RGS11: variants seen among roughly 807,000 people sequenced by gnomAD.
The protein encoded by RGS11 is regulator of G protein signaling 11.
Under a neutral mutation model 71.1 loss-of-function variants are expected in RGS11, and 86 were observed. The observed-to-expected ratio is 1.21, with a 90% CI of 1.02 to 1.45. The LOEUF (loss-of-function observed/expected upper bound fraction) is 1.45, where lower values mean the gene tolerates loss of function less well. RGS11 is among the 40% of genes most tolerant of loss of function. The probability of loss-of-function intolerance (pLI) is 0.00; values close to 1 mark genes in which losing one functional copy is unlikely to be tolerated. For missense variants in RGS11, 734 were observed against 635.1 expected, an observed-to-expected ratio of 1.16 and a Z score of -1.67; for synonymous variants, 298 against 254.2, an observed-to-expected ratio of 1.17 and a Z score of -1.64.
At position 269,324 on chromosome 16, in the gene RGS11, G is replaced by A; in HGVS notation, c.1349C>T (p.Thr450Ile). ...ACAAGCCGCTGTGGGCTCCACAGGG[G>A]TGGGAAGGAGTGCAGGGCTGGGGCT... ...HSSPSPALLPTPVEPTAACGP... is the reference protein window; with the variant it reads ...HSSPSPALLPIPVEPTAACGP... The change falls in exon 17 of 17, where the codon ACC (threonine) becomes ATC (isoleucine). Residue 450 changes from threonine to isoleucine, a missense_variant. Thr to Ile is a moderately conservative substitution (Grantham distance 89, BLOSUM62 -1). Coordinates refer to ENST00000397770, the MANE Select transcript of RGS11 (RefSeq NM_183337.3). The A allele has an allele frequency of 6.2e-7, 1 of 1,601,068 alleles. No individual in the cohort carries two copies. Among genetic ancestry groups the A allele is most frequent in the Non-Finnish European group, 8.5e-7 (1 of 1,175,180 alleles).
rs147206784 is a variant in RGS11, at chr16:272,131, C to T, written c.658-562G>A. On this transcript the variant is annotated intron_variant, in intron 9 of 16. Coordinates refer to ENST00000397770, the MANE Select transcript of RGS11 (RefSeq NM_183337.3). Reference sequence around the variant, plus strand: ...GATTAGAGACGTGAGCCACCGCGCCCGGCCTAATATGTCACATTTTCAAAT... The same window carrying T: ...GATTAGAGACGTGAGCCACCGCGCCTGGCCTAATATGTCACATTTTCAAAT... 1.1e-4 allele frequency: 121 copies of T among 1,134,288 alleles called. 1 individual carries two copies. The East Asian group carries it at 2.1e-3, about 20-fold the overall frequency. The allele number at this position is 1,134,288 out of a possible 1,614,324, so 70.3% of individuals were successfully genotyped here.
At chr16:274,137 T>C in intron 5 of RGS11, 36 bp from the exon 6 acceptor site, 1 of 1,567,176 alleles carries the variant, frequency 6.4e-7, no homozygotes, top group Non-Finnish European at 8.6e-7. Flanking sequence ...AGGGGCCAGC[T>C]CTGCCCTGCC....
At position 271,576 on chromosome 16, in the gene RGS11, G is replaced by A; in HGVS notation, c.658-7C>T. 3 of 1,613,928 alleles carry A rather than the reference G, an allele frequency of 1.9e-6. No individual in the cohort carries two copies. In the South Asian group the frequency reaches 3.3e-5, roughly 18 times the overall value. On this transcript the variant is annotated splice_polypyrimidine_tract_variant and splice_region_variant and intron_variant, in intron 9 of 16. Transcript: ENST00000397770. Reference sequence around the variant, plus strand: ...GGAAATCTGCACTCTTGGTCTAGAAGGGGATAGGTGGGCTGCAGTTAGATG... The same window carrying A: ...GGAAATCTGCACTCTTGGTCTAGAAAGGGATAGGTGGGCTGCAGTTAGATG...
intron 6 of RGS11, 71 bp downstream of exon 6, chr16:273,972 G>A (rs573214122): frequency 1.2e-4 from 182 of 1,482,568 alleles, no homozygotes; most frequent in Admixed American, 9.7e-4. Context: ...GTGAAGCCCC[G>A]GGGGGCCGTG....
Position 275,849 on chromosome 16 carries a change from C to A in RGS11, c.63G>T (p.Lys21Asn). Residue 21 changes from lysine to asparagine, a missense_variant and splice_region_variant, in exon 1 of 17, where the codon AAG becomes AAT. By Grantham distance (94) the Lys-to-Asn change is moderately conservative. Transcript: ENST00000397770. ...RPRAQMPHLR[K>N]MERVVVSMQD... ...GGCGGGACACCCACCCGCCTCGCAC[C>A]TTCCTCAGATGCGGCATCTGCGCCC... 9.3e-7 allele frequency: 1 copy of A among 1,070,662 alleles called. No homozygotes were observed. Among genetic ancestry groups the A allele is most frequent in the Non-Finnish European group, 1.1e-6 (1 of 871,032 alleles). 66.3% of individuals were successfully genotyped at this position (1,070,662 alleles called of 1,614,324 possible).
At chr16:270,946 C>G in intron 13 of RGS11, 38 bp downstream of exon 13, 1 of 1,576,168 alleles carries the variant, frequency 6.3e-7, no homozygotes, top group East Asian at 2.2e-5. Flanking sequence ...GCAGCAGCCT[C>G]CCCGCTGGGA....
chr16:271,104 G>A lies in RGS11; in HGVS notation c.864-5C>T, dbSNP rs59594847. On this transcript the variant is annotated splice_region_variant and splice_polypyrimidine_tract_variant and intron_variant, in intron 12 of 16. Coordinates refer to ENST00000397770, the MANE Select transcript of RGS11 (RefSeq NM_183337.3). The stretch of plus-strand genomic sequence containing the variant: ...AGCTTCGTGGGGGCAGCCACCCTGG[G>A]GAGAGGGCAGGGCTGTTGGGGAGGG... 1 of 1,610,486 alleles carries A rather than the reference G, an allele frequency of 6.2e-7. No homozygotes were observed. Among genetic ancestry groups the A allele is most frequent in the Non-Finnish European group, 8.5e-7 (1 of 1,178,766 alleles).
At chr16:274,942 C>T in intron 4 of RGS11, 34 bp downstream of exon 4, 3 of 1,541,446 alleles carry the variant, frequency 1.9e-6, no homozygotes, top group Middle Eastern at 1.7e-4. Context: ...GGGTGGGGGT[C>T]CCACCGGCTC....
In RGS11 at chr16:269,417, C is replaced by T. The variant is rs777787422; in HGVS notation, c.1290-34G>A. ...GAGAAGGCGGCTGAGAACAGGCTGG[C>T]CAGCTGGTGTCCTGCCCACCTCACT... On this transcript the variant is annotated intron_variant, in intron 16 of 16. Transcript: ENST00000397770. 5 of 1,587,530 alleles carry T rather than the reference C, an allele frequency of 3.1e-6. No homozygotes were observed. The African/African-American group carries it at 5.4e-5, about 17-fold the overall frequency.
chr16:269,698 G>C (rs190176348), intron 15 of RGS11, 113 bp from the exon 16 acceptor site: 24 of 843,952 alleles, frequency 2.8e-5, no homozygotes, highest in Non-Finnish European at 4.1e-5. Context: ...CAGAGTCTCC[G>C]GCGGACAGGG....
In RGS11 at chr16:274,999, C is replaced by G; in HGVS notation, c.295G>C (p.Asp99His). Residue 99 changes from aspartate to histidine, a missense_variant, in exon 4 of 17, where the codon GAC becomes CAC. Coordinates refer to ENST00000397770, the MANE Select transcript of RGS11 (RefSeq NM_183337.3). ...RDPRSLMLRP[D>H]ETPYRFQTPY... ...ACCTGGAACCTGTAGGGCGTCTCGT[C>G]TGGCCGGAGCATGAGGCTACGGGGG... The G allele has an allele frequency of 6.5e-7, 1 of 1,537,086 alleles. No individual in the cohort carries two copies. Among genetic ancestry groups the G allele is most frequent in the South Asian group, 1.2e-5 (1 of 80,994 alleles).
rs754398532 is a variant in RGS11 at position 273,775 on chromosome 16, G to A, written c.491C>T (p.Ala164Val). Residue 164 changes from alanine (A) to valine (V), a missense_variant, in exon 7 of 17, where the codon GCG (alanine) becomes GTG (valine). Transcript: ENST00000397770. Reference sequence around the variant, plus strand: ...GGGGCCTCACCTCAGCTGCTCCCTCGCCTGCATCAGCACCAGGTCCCATGC... The same window carrying A: ...GGGGCCTCACCTCAGCTGCTCCCTCACCTGCATCAGCACCAGGTCCCATGC... ...NHAWDLVLMQAREQLRAAKQR... is the reference protein window; with the variant it reads ...NHAWDLVLMQVREQLRAAKQR... 2.4e-5 allele frequency: 38 copies of A among 1,612,534 alleles called. No individual in the cohort carries two copies. The highest frequency in any genetic ancestry group is 2.2e-4 in the Admixed American group (13 of 60,006).
At position 273,978 on chromosome 16, in the gene RGS11, C is replaced by T. The variant is rs1175748902; in HGVS notation, c.429+65G>A. On this transcript the variant is annotated intron_variant, in intron 6 of 16. Transcript: ENST00000397770. ...GGGTAAACCGTGAAGCCCCGGGGGG[C>T]CGTGAGTGAGGCTTGGGTTCCTCCA... 4.7e-6 allele frequency: 7 copies of T among 1,493,572 alleles called. No homozygotes were observed. The Admixed American group carries it at 1.4e-4, about 29-fold the overall frequency. The allele number at this position is 1,493,572 out of a possible 1,614,324, so 92.5% of individuals were successfully genotyped here. A position where few individuals can be genotyped will look rare whatever the true frequency, so the allele number is the denominator to read the frequency against.
intron 15 of RGS11, chr16:269,967 C>T (rs552879703): frequency 1.2e-4 from 24 of 204,034 alleles, no homozygotes; most frequent in Non-Finnish European, 2.1e-4. Flanking sequence ...CCTGTGATCC[C>T]GGCCGGGCAG....
chr16:274,100 G>A lies in RGS11; in HGVS notation c.372C>T (p.Ala124=). The A allele has an allele frequency of 6.4e-7, 1 of 1,553,318 alleles. No homozygotes were observed. The highest frequency in any genetic ancestry group is 1.2e-5 in the South Asian group (1 of 84,472). The stretch of plus-strand genomic sequence containing the variant: ...GGATGTTCTTCTTGGCCAGGTAGAT[G>A]GCTGGAAGAACAGGGACAGCCTGCA... ...TLRPAAELDY[A]IYLAKKNIRK... Residue 124 remains alanine, a splice_region_variant and synonymous_variant, in exon 6 of 17, where the codon GCC becomes GCT. Transcript: ENST00000397770.
chr16:272,525 C>G (rs1345789788), intron 9 of RGS11: 3 of 1,391,030 alleles, frequency 2.2e-6, no homozygotes, highest in Admixed American at 2.2e-5. Flanking sequence ...CTGCTGAGGT[C>G]TGTCAGAGGC....
chr16:269,772 G>A (rs572598383), intron 15 of RGS11, 187 bp from the exon 16 acceptor site: 22 of 572,210 alleles, frequency 3.8e-5, no homozygotes, highest in Non-Finnish European at 4.6e-5. Flanking sequence ...CTGGGCTCCC[G>A]TCTGCCTGGG....
chr16:271,507 C>T (rs762075062), intron 10 of RGS11, 33 bp downstream of exon 10: 15 of 1,613,886 alleles, frequency 9.3e-6, no homozygotes, highest in African/African-American at 1.3e-5. Context: ...GGGAAGGCAC[C>T]TGGCACCCTC....
intron 4 of RGS11, chr16:274,708 C>T (rs1228751534): frequency 1.5e-6 from 1 of 687,728 alleles, no homozygotes; most frequent in Non-Finnish European, 2.7e-6. Flanking sequence ...ATGGCAGAAT[C>T]CTCTGCACAT....
Sources: gnomAD v4.1 joint callset for allele counts on GRCh38, gnomAD v4.1.1 for gene constraint, MANE v1.5 for transcripts, NCBI Gene and HGNC (gene_info 2026-07-23, HGNC 2026-07-21) for gene names.